SCRN1: variants seen among roughly 807,000 people sequenced by gnomAD.
SCRN1 encodes secernin 1, also known as secernin-1.
In SCRN1, 19 loss-of-function variants were observed where a neutral mutation model predicts 43.3. That is an observed-to-expected ratio of 0.44 (90% CI 0.31 to 0.64). SCRN1 has a LOEUF of 0.64. Among genes scored for constraint, SCRN1 ranks in the 30% least tolerant of loss-of-function variants. The pLI is 0.09. For synonymous variants in SCRN1, 183 were observed against 188.9 expected (o/e 0.97, Z 0.26); for missense variants, 447 against 524.1 (o/e 0.85, Z 1.44).
At chr7:29,944,246 A>G in intron 3 of SCRN1, 67 bp from the exon 4 acceptor site, 1 of 1,475,194 alleles carries the variant, frequency 6.8e-7, no homozygotes, top group Non-Finnish European at 9.5e-7. Context: ...TAGAGTAACC[A>G]AAGACTGGGC....
intron 1 of SCRN1, among the ~76,000 whole-genome samples, chr7:29,978,954 CA>C (rs1788913070): frequency 6.6e-6 from 1 of 152,270 alleles, no homozygotes; most frequent in South Asian, 2.1e-4. Flanking sequence ...TGTTGTGCTT[CA>C]AAACCTACAT....
intron 6 of SCRN1, among the ~76,000 whole-genome samples, chr7:29,927,011 C>T (rs993214376): frequency 1.3e-5 from 2 of 150,916 alleles, no homozygotes; most frequent in East Asian, 1.9e-4. Flanking sequence ...TTTTTAATAC[C>T]GTGGTCTGAG....
rs888297340 is a variant in SCRN1 at position 29,922,850 on chromosome 7, G to A, written c.*1107C>T. On this transcript the variant is annotated 3_prime_UTR_variant, in exon 8 of 8. Coordinates refer to ENST00000242059, the MANE Select transcript of SCRN1 (RefSeq NM_014766.5). The stretch of plus-strand genomic sequence containing the variant: ...TGTCTTCCCAATGCTAAGCCCATCT[G>A]GTCTTCCTTGCATGCTTTTCTATGC... 1.3e-5 allele frequency: 2 copies of A among 152,224 alleles called. No individual in the cohort carries two copies. The highest frequency in any genetic ancestry group is 4.8e-5 in the African/African-American group (2 of 41,432). 9.4% of individuals were successfully genotyped at this position (152,224 alleles called of 1,614,324 possible).
intron 3 of SCRN1, among the ~76,000 whole-genome samples, chr7:29,946,411 A>C (rs1254580892): frequency 6.6e-6 from 1 of 152,240 alleles, no homozygotes; most frequent in East Asian, 1.9e-4. Flanking sequence ...ACAATGCCTC[A>C]TACAGACATT....
At chr7:29,961,182 A>AGGTCTCT (rs1788295472) in intron 2 of SCRN1, among the ~76,000 whole-genome samples, 1 of 141,642 alleles carries the variant, frequency 7.1e-6, no homozygotes, top group Admixed American at 7.1e-5. Flanking sequence ...AAGTGAACAA[A>AGGTCTCT]GGTCTCTGGT....
intron 3 of SCRN1, among the ~76,000 whole-genome samples, chr7:29,953,755 T>A (rs959419655): frequency 6.6e-6 from 1 of 152,106 alleles, no homozygotes; most frequent in Non-Finnish European, 1.5e-5. Flanking sequence ...GACCTCTCCA[T>A]CAGGTGGCAG....
At chr7:29,936,401 C>T (rs1261318317) in intron 6 of SCRN1, among the ~76,000 whole-genome samples, 155 bp downstream of exon 6, 1 of 152,180 alleles carries the variant, frequency 6.6e-6, no homozygotes, top group Non-Finnish European at 1.5e-5. Flanking sequence ...TTAATCAAAG[C>T]CCTTGGTGCT....
intron 1 of SCRN1, among the ~76,000 whole-genome samples, chr7:29,979,725 G>A (rs532574023): frequency 3.3e-5 from 5 of 152,332 alleles, no homozygotes; most frequent in Admixed American, 6.5e-5. Flanking sequence ...TTTTGTAAGT[G>A]AAGGAAAGAG....
chr7:29,932,724 A>C (rs1583653008), intron 6 of SCRN1, among the ~76,000 whole-genome samples: 1 of 151,034 alleles, frequency 6.6e-6, no homozygotes, highest in East Asian at 1.9e-4. Context: ...AAAGACACAC[A>C]GACATACAAA....
intron 6 of SCRN1, among the ~76,000 whole-genome samples, chr7:29,932,651 CAAA>C (rs1162835669): frequency 5.0e-4 from 4 of 8,022 alleles, no homozygotes; most frequent in African/African-American, 8.5e-4. Flanking sequence ...GATTCCATCT[CAAA>C]AAAAAAAAAA....
At chr7:29,927,634 G>A (rs1162290611) in intron 6 of SCRN1, among the ~76,000 whole-genome samples, 1 of 152,198 alleles carries the variant, frequency 6.6e-6, no homozygotes, top group Non-Finnish European at 1.5e-5. Flanking sequence ...CTCCCCATAT[G>A]TGCCCCATAT....
At chr7:29,976,129 T>C (rs1475217772) in intron 1 of SCRN1, among the ~76,000 whole-genome samples, 1 of 152,104 alleles carries the variant, frequency 6.6e-6, no homozygotes, top group Admixed American at 6.6e-5. Context: ...TCCAATCAGC[T>C]CTCAGTGCGA....
chr7:29,972,806 G>C (rs892370680), intron 1 of SCRN1, among the ~76,000 whole-genome samples: 3 of 152,170 alleles, frequency 2.0e-5, no homozygotes, highest in Non-Finnish European at 4.4e-5. Context: ...TGGAAATGTT[G>C]TATGTCCACC....
chr7:29,934,946 C>T (rs759665219), intron 6 of SCRN1, among the ~76,000 whole-genome samples: 4 of 152,220 alleles, frequency 2.6e-5, no homozygotes, highest in Non-Finnish European at 4.4e-5. Context: ...GACTCTCTGC[C>T]TTTTGCATGT....
chr7:29,990,188 G>GACTC, upstream of SCRN1: 1 of 1,551,652 alleles, frequency 6.4e-7, no homozygotes, highest in African/African-American at 1.4e-5. Context: ...GTACCTTGTT[G>GACTC]ACTCGCACGT....
chr7:29,934,033 G>A (rs17158520), intron 6 of SCRN1, among the ~76,000 whole-genome samples: 3,548 of 152,210 alleles, frequency 0.023, 59 homozygotes, highest in East Asian at 0.068. Flanking sequence ...ACAGTAAGTC[G>A]AGCAAGCACA....
In SCRN1 at chr7:29,979,136, G is replaced by A. The variant is rs189757598; in HGVS notation, c.-1-10068C>T. On this transcript the variant is annotated intron_variant, in intron 1 of 7. Coordinates refer to ENST00000242059, the MANE Select transcript of SCRN1 (RefSeq NM_014766.5). ...TCCCAGCACTTTGGGAGGCTGAGGCGGGCGGGTCACAAGGTCAGGAGTTCG... is the reference window on the plus strand; with the variant it reads ...TCCCAGCACTTTGGGAGGCTGAGGCAGGCGGGTCACAAGGTCAGGAGTTCG... Among the ~76,000 whole-genome samples, 1,074 of 152,198 alleles carry A rather than the reference G, an allele frequency of 7.1e-3. 42 individuals carry two copies. Among genetic ancestry groups the A allele is most frequent in the Admixed American group, 0.065 (986 of 15,280 alleles).
At chr7:29,930,194 T>TA (rs895949873) in intron 6 of SCRN1, among the ~76,000 whole-genome samples, 1 of 151,996 alleles carries the variant, frequency 6.6e-6, no homozygotes, top group Non-Finnish European at 1.5e-5. Flanking sequence ...TAAGGTTATC[T>TA]AAAAAATAAT....
intron 3 of SCRN1, among the ~76,000 whole-genome samples, chr7:29,946,492 T>C (rs116549263): frequency 1.3e-5 from 2 of 152,224 alleles, no homozygotes; most frequent in South Asian, 2.1e-4. Context: ...GCTGGGAGCA[T>C]GTGAATACAC....
Sources: allele counts gnomAD v4.1 joint callset (sites outside exome capture counted in the v4.1 genomes callset), GRCh38; gene constraint gnomAD v4.1.1; transcripts MANE v1.5; gene names NCBI Gene and HGNC (gene_info 2026-07-23, HGNC 2026-07-21).